Variants in TRPV4 observed in about 807,000 individuals in gnomAD.
TRPV4 encodes OSM9-like transient receptor potential channel 4.
In TRPV4, 58 loss-of-function variants were observed where a neutral mutation model predicts 84.1. The ratio of observed to expected loss-of-function variants is 0.69; its 90% CI spans 0.56 to 0.86. The LOEUF is 0.86. TRPV4 is among the 40% of genes least tolerant of loss of function. The pLI, the probability that TRPV4 is intolerant of heterozygous loss-of-function variation, is 0.00. For synonymous variants in TRPV4, 489 were observed against 500.9 expected (o/e 0.98, Z 0.32); for missense variants, 879 against 1,181.1 (o/e 0.74, Z 3.75).
chr12:109,786,911 G>A lies in TRPV4; in HGVS notation c.2209-74C>T, dbSNP rs549068748. 1.7e-5 allele frequency: 28 copies of A among 1,603,546 alleles called. No individual in the cohort carries two copies. In the South Asian group the frequency reaches 3.0e-4, roughly 17 times the overall value. Reference sequence around the variant, plus strand: ...CGCCTGCCGCTCTGGTGGCAGAAATGAGACAACGGGCCAGGGTGGGCCCAG... The same window carrying A: ...CGCCTGCCGCTCTGGTGGCAGAAATAAGACAACGGGCCAGGGTGGGCCCAG... On this transcript the variant is annotated intron_variant, in intron 13 of 15. Coordinates refer to ENST00000261740, the MANE Select transcript of TRPV4 (RefSeq NM_021625.5). The surrounding 1 kb of genome is among the most constrained non-coding windows in gnomAD (Gnocchi z 4.5).
At chr12:109,797,810 C>T (rs752362661) in intron 6 of TRPV4, among the ~76,000 whole-genome samples, 3 of 152,176 alleles carry the variant, frequency 2.0e-5, no homozygotes, top group Non-Finnish European at 4.4e-5. Context: ...ATGTAAGTGA[C>T]ACTTACTGCT....
rs1328179779 is a variant in TRPV4 at position 109,796,651 on chromosome 12, C to T, written c.1206G>A (p.Leu402=). ...REVTDEDTRH[L]SRKFKDWAYG... Reference sequence around the variant, plus strand: ...AGGCCCAGTCCTTGAACTTGCGGGACAGGTGCCGTGTGTCCTCATCCGTCA... The same window carrying T: ...AGGCCCAGTCCTTGAACTTGCGGGATAGGTGCCGTGTGTCCTCATCCGTCA... Residue 402 remains leucine (L), a synonymous_variant, in exon 7 of 16, where the codon CTG becomes CTA. Transcript: ENST00000261740. This position sits in a 1 kb window ranked among gnomAD's most constrained non-coding sequence, Gnocchi z 4.2. 2 of 1,614,176 alleles carry T rather than the reference C, an allele frequency of 1.2e-6. No homozygotes were observed. Among genetic ancestry groups the T allele is most frequent in the East Asian group, 4.5e-5 (2 of 44,888 alleles).
chr12:109,813,008 G>C (rs1214415561), intron 2 of TRPV4, among the ~76,000 whole-genome samples: 1 of 151,444 alleles, frequency 6.6e-6, no homozygotes, highest in African/African-American at 2.4e-5. Flanking sequence ...TGGATGAACA[G>C]ATGTATAAAT....
intron 1 of TRPV4, among the ~76,000 whole-genome samples, chr12:109,827,657 TAC>T (rs921443061): frequency 1.3e-5 from 2 of 150,744 alleles, no homozygotes; most frequent in Non-Finnish European, 3.0e-5. Context: ...CACGCAAACA[TAC>T]ACACACATAC....
intron 1 of TRPV4, among the ~76,000 whole-genome samples, chr12:109,833,067 C>T (rs2136738563): frequency 6.6e-6 from 1 of 152,250 alleles, no homozygotes; most frequent in Admixed American, 6.5e-5. Flanking sequence ...CTTGGGGTCT[C>T]AGGGAACCGA....
chr12:109,792,196 T>C (rs1007280644), intron 12 of TRPV4, among the ~76,000 whole-genome samples, 167 bp downstream of exon 12: 13 of 149,930 alleles, frequency 8.7e-5, no homozygotes, highest in African/African-American at 3.2e-4. Context: ...TGAGCTGAGA[T>C]TGTGCCATTG....
rs1176301579 is a variant in TRPV4, at chr12:109,786,668, C to G, written c.2336+42G>C. 4 of 1,612,098 alleles carry G rather than the reference C, an allele frequency of 2.5e-6. No individual in the cohort carries two copies. Among genetic ancestry groups the G allele is most frequent in the Admixed American group, 1.7e-5 (1 of 59,984 alleles). ...AGCAGGGGCCCCGAGCCAGTGGGGA[C>G]AGTTCCGCCCTGCCATCCTGGCCCC... On this transcript the variant is annotated intron_variant, in intron 14 of 15. Transcript: ENST00000261740. The surrounding 1 kb of genome is among the most constrained non-coding windows in gnomAD (Gnocchi z 4.5).
intron 2 of TRPV4, among the ~76,000 whole-genome samples, chr12:109,810,036 G>A (rs1001488215): frequency 6.6e-6 from 1 of 152,224 alleles, no homozygotes; most frequent in African/African-American, 2.4e-5. Flanking sequence ...GCGGAAGGGT[G>A]TGGCACAGAG....
At chr12:109,804,645 G>A (rs982111266) in intron 3 of TRPV4, among the ~76,000 whole-genome samples, 2 of 152,184 alleles carry the variant, frequency 1.3e-5, no homozygotes, top group African/African-American at 2.4e-5. Flanking sequence ...TCTAGTCTCA[G>A]CCCTTCCAGG....
intron 12 of TRPV4, among the ~76,000 whole-genome samples, chr12:109,789,049 C>T (rs895654347): frequency 4.6e-5 from 7 of 152,142 alleles, no homozygotes; most frequent in Admixed American, 2.0e-4. Flanking sequence ...TACTGATAAG[C>T]GTAGGAGTTT....
intron 1 of TRPV4, among the ~76,000 whole-genome samples, chr12:109,816,505 C>A (rs1891850995): frequency 6.6e-6 from 1 of 152,154 alleles, no homozygotes; most frequent in Non-Finnish European, 1.5e-5. Context: ...TGGCTCAGTG[C>A]AGCAGCTCAC....
chr12:109,830,594 T>G (rs963638073), intron 1 of TRPV4, among the ~76,000 whole-genome samples: 13 of 152,126 alleles, frequency 8.5e-5, no homozygotes, highest in Non-Finnish European at 1.6e-4. Flanking sequence ...TGGCATGAAA[T>G]AAATGTTATC....
chr12:109,813,453 G>T (rs900215078), intron 2 of TRPV4, among the ~76,000 whole-genome samples: 1 of 152,138 alleles, frequency 6.6e-6, no homozygotes, highest in African/African-American at 2.4e-5. Context: ...AGAGTTAGAT[G>T]AGTAAATAGT....
Position 109,786,929 on chromosome 12 carries a change from G to A in TRPV4, c.2209-92C>T. 1 of 1,576,474 alleles carries A rather than the reference G, an allele frequency of 6.3e-7. No homozygotes were observed. The highest frequency in any genetic ancestry group is 8.7e-7 in the Non-Finnish European group (1 of 1,154,634). On this transcript the variant is annotated intron_variant, in intron 13 of 15. Transcript: ENST00000261740. This position sits in a 1 kb window ranked among gnomAD's most constrained non-coding sequence, Gnocchi z 4.5. ...CAGAAATGAGACAACGGGCCAGGGT[G>A]GGCCCAGAACTAGGCATTTAGACTC...
Position 109,786,937 on chromosome 12 carries a change from A to C in TRPV4, c.2209-100T>G. The stretch of plus-strand genomic sequence containing the variant: ...AGACAACGGGCCAGGGTGGGCCCAG[A>C]ACTAGGCATTTAGACTCCTACTCCC... On this transcript the variant is annotated intron_variant, in intron 13 of 15. Coordinates refer to ENST00000261740, the MANE Select transcript of TRPV4 (RefSeq NM_021625.5). The surrounding 1 kb of genome is among the most constrained non-coding windows in gnomAD (Gnocchi z 4.5). 6.5e-7 allele frequency: 1 copy of C among 1,545,156 alleles called. No homozygotes were observed.
rs377399452 is a variant in TRPV4 at position 109,783,743 on chromosome 12, G to A, written c.2494C>T (p.Leu832=). Residue 832 remains leucine, a synonymous_variant, in exon 16 of 16, where the codon CTG becomes TTG. Coordinates refer to ENST00000261740, the MANE Select transcript of TRPV4 (RefSeq NM_021625.5). This position sits in a 1 kb window ranked among gnomAD's most constrained non-coding sequence, Gnocchi z 4.6. ...WSSVVPRVVE[L]NKNSNPDEVV... ...TCGTCCGGGTTCGAGTTCTTGTTCA[G>A]TTCCACCACGCGGGGTACCACCGAG... 6.2e-7 allele frequency: 1 copy of A among 1,613,446 alleles called. No homozygotes were observed. Among genetic ancestry groups the A allele is most frequent in the East Asian group, 2.2e-5 (1 of 44,862 alleles).
intron 1 of TRPV4, among the ~76,000 whole-genome samples, chr12:109,831,566 G>A (rs987145107): frequency 6.6e-6 from 1 of 152,262 alleles, no homozygotes; most frequent in Admixed American, 6.5e-5. Flanking sequence ...GCTGGCACAG[G>A]TGAGCTTGCA....
At position 109,784,205 on chromosome 12, in the gene TRPV4, T is replaced by C. The variant is rs191036857; in HGVS notation, c.2458+111A>G. The C allele has an allele frequency of 4.6e-4, 717 of 1,546,018 alleles. 1 individual carries two copies. The highest frequency in any genetic ancestry group is 1.1e-3 in the Middle Eastern group (5 of 4,606). ...GCAGAGGAAGCTCAGGGGCACACTC[T>C]CTCATTCTGTAGACACGGACACTGA... On this transcript the variant is annotated intron_variant, in intron 15 of 15. Transcript: ENST00000261740.
chr12:109,794,328 C>T lies in TRPV4; in HGVS notation c.1491+1G>A. ...CCCCTGCCCGGTCCCCGGGCACTCA[C>T]TGTGCCCTCCAGCGGCTGGTAGTAG... On this transcript the variant is annotated splice_donor_variant, in intron 8 of 15. Coordinates refer to ENST00000261740, the MANE Select transcript of TRPV4 (RefSeq NM_021625.5). LOFTEE classifies it high-confidence loss of function. The T allele has an allele frequency of 6.2e-7, 1 of 1,611,826 alleles. No individual in the cohort carries two copies. Among genetic ancestry groups the T allele is most frequent in the Non-Finnish European group, 8.5e-7 (1 of 1,180,000 alleles).
Sources: gnomAD v4.1 joint callset for allele counts (sites outside exome capture counted in the v4.1 genomes callset) on GRCh38, gnomAD v4.1.1 for gene constraint, Gnocchi (gnomAD v3.1) non-coding constraint, MANE v1.5 for transcripts, NCBI Gene and HGNC (gene_info 2026-07-23, HGNC 2026-07-21) for gene names.